RBM20: variants seen among roughly 807,000 people sequenced by gnomAD.
RBM20 encodes RNA-binding protein 20.
In RBM20, 51 loss-of-function variants were observed where a neutral mutation model predicts 110.1. The ratio of observed to expected loss-of-function variants is 0.46; its 90% CI spans 0.37 to 0.59. The LOEUF is 0.59. Among genes scored for constraint, RBM20 ranks in the 20% least tolerant of loss-of-function variants. The pLI is 0.00. For missense variants in RBM20, 1,512 were observed against 1,574.9 expected (o/e 0.96, Z 0.68); for synonymous variants, 589 against 618.2 (o/e 0.95, Z 0.70).
At chr10:110,649,505 C>T (rs1564805548) in intron 1 of RBM20, among the ~76,000 whole-genome samples, 1 of 152,126 alleles carries the variant, frequency 6.6e-6, no homozygotes, top group Non-Finnish European at 1.5e-5. Flanking sequence ...AAGAGAAGTT[C>T]AGAAGTAGGA....
chr10:110,706,626 G>C (rs949016118), intron 1 of RBM20, among the ~76,000 whole-genome samples: 57 of 152,218 alleles, frequency 3.7e-4, no homozygotes, highest in African/African-American at 1.2e-3. Flanking sequence ...GTCTCTCTTG[G>C]GATGAAAGGG....
At chr10:110,648,714 A>AG (rs11425051) in intron 1 of RBM20, among the ~76,000 whole-genome samples, 57,204 of 145,840 alleles carry the variant, frequency 0.39, 12,316 homozygotes, top group East Asian at 0.59. Context: ...AGGGAAGAAA[A>AG]GGGGGGGGTG....
intron 1 of RBM20, chr10:110,756,691 A>G (rs1329450384): frequency 6.6e-6 from 1 of 152,262 alleles, no homozygotes; most frequent in African/African-American, 2.4e-5. Context: ...CAAAATGCAG[A>G]AAGCCTGAAG....
chr10:110,791,450 G>A (rs11195325), intron 5 of RBM20, among the ~76,000 whole-genome samples: 1 of 152,000 alleles, frequency 6.6e-6, no homozygotes, highest in Non-Finnish European at 1.5e-5. Context: ...ATATTTTTAC[G>A]GCAACTCTAA....
intron 1 of RBM20, among the ~76,000 whole-genome samples, chr10:110,773,927 A>T (rs1844227497): frequency 6.6e-6 from 1 of 152,140 alleles, no homozygotes; most frequent in Admixed American, 6.5e-5. Context: ...TGTTAGTTAA[A>T]CTCATGTTTA....
intron 1 of RBM20, among the ~76,000 whole-genome samples, chr10:110,777,684 T>C (rs952997904): frequency 6.6e-5 from 10 of 152,374 alleles, no homozygotes; most frequent in Admixed American, 6.5e-4. Flanking sequence ...ATACCCAGCA[T>C]GGCTGGCTTT....
upstream of RBM20, among the ~76,000 whole-genome samples, chr10:110,643,453 G>A (rs1253181563): frequency 6.6e-6 from 1 of 152,262 alleles, no homozygotes; most frequent in East Asian, 1.9e-4. Context: ...GAGTGCAGGT[G>A]GACGGGCGCA....
chr10:110,696,503 G>A (rs1322982627), intron 1 of RBM20, among the ~76,000 whole-genome samples: 1 of 152,204 alleles, frequency 6.6e-6, no homozygotes, highest in Non-Finnish European at 1.5e-5. Context: ...AGTGAGCAGT[G>A]CACAGTCCTC....
At chr10:110,708,851 T>C (rs1482900852) in intron 1 of RBM20, among the ~76,000 whole-genome samples, 1 of 152,158 alleles carries the variant, frequency 6.6e-6, no homozygotes, top group Non-Finnish European at 1.5e-5. Context: ...TTTAGTGAAG[T>C]TCAAGAAATG....
At chr10:110,766,446 G>T (rs1844085576) in intron 1 of RBM20, among the ~76,000 whole-genome samples, 5 of 151,918 alleles carry the variant, frequency 3.3e-5, no homozygotes, top group Admixed American at 3.3e-4. Flanking sequence ...AAAGGTCTCT[G>T]GTTTTCCTAG....
chr10:110,748,123 C>T (rs1342468249), intron 1 of RBM20, among the ~76,000 whole-genome samples: 1 of 151,462 alleles, frequency 6.6e-6, no homozygotes, highest in Admixed American at 6.6e-5. Flanking sequence ...CTTTTTTTTT[C>T]ATTAATGAGA....
chr10:110,697,090 A>G (rs1862675921), intron 1 of RBM20, among the ~76,000 whole-genome samples: 1 of 152,186 alleles, frequency 6.6e-6, no homozygotes, highest in Non-Finnish European at 1.5e-5. Flanking sequence ...CTCAGGCTTG[A>G]TATGACTTTG....
At chr10:110,733,989 G>A (rs956094270) in intron 1 of RBM20, among the ~76,000 whole-genome samples, 1 of 151,934 alleles carries the variant, frequency 6.6e-6, no homozygotes, top group South Asian at 2.1e-4. Context: ...ATGTCTGTTA[G>A]CCACATCCAT....
chr10:110,719,018 C>A (rs2134928241), intron 1 of RBM20, among the ~76,000 whole-genome samples: 1 of 152,272 alleles, frequency 6.6e-6, no homozygotes, highest in East Asian at 1.9e-4. Context: ...ATTGTCCTGT[C>A]TTTTTCTGTA....
intron 1 of RBM20, among the ~76,000 whole-genome samples, chr10:110,652,247 T>A (rs1435764867): frequency 6.6e-6 from 1 of 152,226 alleles, no homozygotes; most frequent in Admixed American, 6.5e-5. Context: ...TGTTTGTTTT[T>A]GAAAAGATGT....
chr10:110,690,521 C>G (rs1006068912), intron 1 of RBM20, among the ~76,000 whole-genome samples: 1 of 152,188 alleles, frequency 6.6e-6, no homozygotes, highest in Admixed American at 6.5e-5. Context: ...CAGAAACTCT[C>G]TACCCATTAA....
At chr10:110,740,315 C>T (rs200015509) in intron 1 of RBM20, among the ~76,000 whole-genome samples, 13 of 151,914 alleles carry the variant, frequency 8.6e-5, no homozygotes, top group African/African-American at 1.2e-4. Context: ...AGGACTGTGT[C>T]GGAGATAGAA....
intron 1 of RBM20, among the ~76,000 whole-genome samples, chr10:110,740,621 G>A (rs1189532616): frequency 6.6e-6 from 1 of 152,164 alleles, no homozygotes; most frequent in Non-Finnish European, 1.5e-5. Context: ...CTTGGTAGGG[G>A]TGGGGAAAGC....
In RBM20 at chr10:110,797,722, T is replaced by C. The variant is rs1590685960; in HGVS notation, c.1668+74T>C. The stretch of plus-strand genomic sequence containing the variant: ...TAGTGAAAGGGAACGATATAATTTT[T>C]GAAAGAAGCCATTCTTAACATAAAG... On this transcript the variant is annotated intron_variant, in intron 6 of 13. Transcript: ENST00000369519. 4.8e-6 allele frequency: 7 copies of C among 1,454,356 alleles called. No individual in the cohort carries two copies. The East Asian group carries it at 1.7e-4, about 36-fold the overall frequency. The allele number at this position is 1,454,356 out of a possible 1,614,324, so 90.1% of individuals were successfully genotyped here.
Sources: allele counts gnomAD v4.1 joint callset (sites outside exome capture counted in the v4.1 genomes callset), GRCh38; gene constraint gnomAD v4.1.1; transcripts MANE v1.5; gene names NCBI Gene and HGNC (gene_info 2026-07-23, HGNC 2026-07-21).